The following BMS1 variants were observed in gnomAD, a reference collection of about 807,000 sequenced individuals.
BMS1 encodes the protein BMS1 ribosome biogenesis factor.
BMS1 carries 53 observed loss-of-function variants against 138.7 expected under a neutral mutation model. That is an observed-to-expected ratio of 0.38 (90% CI 0.31 to 0.48). BMS1 has a LOEUF of 0.48. BMS1 is among the 20% of genes least tolerant of loss of function. The pLI is 0.97. For missense variants in BMS1, 1,360 were observed against 1,565.5 expected (o/e 0.87, Z 2.22); for synonymous variants, 504 against 539.9 (o/e 0.93, Z 0.92).
chr10:42,830,120 G>A, intron 21 of BMS1, 141 bp from the exon 22 acceptor site: 2 of 909,614 alleles, frequency 2.2e-6, no homozygotes, highest in South Asian at 3.3e-5. Context: ...AGATGATTGA[G>A]TCCTGATTTC....
At position 42,820,363 on chromosome 10, in the gene BMS1, C is replaced by A. The variant is rs371483133; in HGVS notation, c.2708C>A (p.Pro903His). ...VPCEFVQNFD[P>H]HYPIILGGLG... ...TGTGAATTTGTGCAGAACTTTGACC[C>A]CCATTACCCCATTATCCTGGGTGGC... is the stretch of plus-strand genomic sequence containing the variant. The change falls in exon 16 of 23, where the codon CCC (proline) becomes CAC (histidine). Residue 903 changes from proline (P) to histidine (H), a missense_variant. This residue lies in a region of BMS1 where 425 missense variants were observed against 568.3 expected (regional missense o/e 0.75). Transcript: ENST00000374518. The A allele has an allele frequency of 6.2e-7, 1 of 1,613,610 alleles. No homozygotes were observed. The highest frequency in any genetic ancestry group is 8.5e-7 in the Non-Finnish European group (1 of 1,179,830).
chr10:42,804,387 A>G (rs1195201716), intron 13 of BMS1, among the ~76,000 whole-genome samples: 1 of 152,148 alleles, frequency 6.6e-6, no homozygotes, highest in Non-Finnish European at 1.5e-5. Context: ...TTCACTCTAC[A>G]TCTTTCCCAG....
Position 42,797,063 on chromosome 10 carries a change from T to C in BMS1, c.1819T>C (p.Ser607Pro), listed in dbSNP as rs562660981. 1.1e-5 allele frequency: 18 copies of C among 1,614,090 alleles called. No homozygotes were observed. The South Asian group carries it at 2.0e-4, about 18-fold the overall frequency. ...SSSLSAEEED[S>P]ENEEAIRKKL... is the part of the protein sequence containing the mutation. ...CTCACTCAGTGCAGAGGAAGAAGACTCAGAAAATGAAGAGGCTATTAGAAA... is the reference window on the plus strand; with the variant it reads ...CTCACTCAGTGCAGAGGAAGAAGACCCAGAAAATGAAGAGGCTATTAGAAA... The change falls in exon 10 of 23, where the codon TCA (serine) becomes CCA (proline). Residue 607 changes from serine (S) to proline (P), a missense_variant. Physicochemically the swap from Ser to Pro is moderately conservative, Grantham distance 74. Transcript: ENST00000374518.
chr10:42,821,859 C>T (rs1215373237), intron 18 of BMS1, among the ~76,000 whole-genome samples: 1 of 152,132 alleles, frequency 6.6e-6, no homozygotes, highest in South Asian at 2.1e-4. Context: ...GGCCTCAAGT[C>T]ACCCTTGTTA....
At chr10:42,824,545 AAAT>A (rs1159115624) in intron 21 of BMS1, among the ~76,000 whole-genome samples, 1 of 152,122 alleles carries the variant, frequency 6.6e-6, no homozygotes, top group East Asian at 1.9e-4. Context: ...GATATCCAAA[AAAT>A]TATTGCTAAG....
In BMS1 at chr10:42,832,128, A is replaced by G. The variant is rs982074689; in HGVS notation, c.*1032A>G. On this transcript the variant is annotated 3_prime_UTR_variant, in exon 23 of 23. Transcript: ENST00000374518. ...CTCCTCCATGTATGCATGGGTGTGT[A>G]GAAATATGGAACGCAGCTGGGCACA... The G allele has an allele frequency of 3.9e-5, 6 of 152,196 alleles. No homozygotes were observed. The highest frequency in any genetic ancestry group is 5.9e-5 in the Non-Finnish European group (4 of 68,036). 9.4% of individuals were successfully genotyped at this position (152,196 alleles called of 1,614,324 possible). A position where few individuals can be genotyped will look rare whatever the true frequency, so the allele number is the denominator to read the frequency against.
chr10:42,829,838 CA>C (rs71014301), intron 21 of BMS1, among the ~76,000 whole-genome samples: 61,343 of 151,686 alleles, frequency 0.4, 13,683 homozygotes, highest in East Asian at 0.63. Flanking sequence ...CAAAACAAAA[CA>C]AAAAAAACAT....
At chr10:42,786,204 C>T (rs934652671) in intron 3 of BMS1, among the ~76,000 whole-genome samples, 2 of 152,218 alleles carry the variant, frequency 1.3e-5, no homozygotes, top group African/African-American at 4.8e-5. Context: ...GTGCCAGGTG[C>T]ATATGCTTGC....
In BMS1 at chr10:42,829,487, CTT is replaced by C. The variant is rs1455728967; in HGVS notation, c.3457-772_3457-771del. 9.2e-5 allele frequency among the ~76,000 whole-genome samples: 14 copies of C among 152,266 alleles called. 1 individual carries two copies. In the East Asian group the frequency reaches 2.3e-3, roughly 25 times the overall value. On this transcript the variant is annotated intron_variant, in intron 21 of 22. Coordinates refer to ENST00000374518, the MANE Select transcript of BMS1 (RefSeq NM_014753.4). ...TTAATTAGAATCAGGAATCAGGACT[CTT>C]TGGCTGCTGATTGAAGGAAGAACTG...
chr10:42,793,030 G>A lies in BMS1; in HGVS notation c.975G>A (p.Lys325=). The change falls in exon 8 of 23, where the codon AAG becomes AAA. Residue 325 remains lysine, a synonymous_variant. Coordinates refer to ENST00000374518, the MANE Select transcript of BMS1 (RefSeq NM_014753.4). ...GCGCTCTTCCTGAACAACAAAAGAA[G>A]CGCTGTTTAAATGAGAAGGAGAAGC... The part of the protein sequence containing the change: ...DPCALPEQQK[K]RCLNEKEKLV... 6.2e-7 allele frequency: 1 copy of A among 1,614,110 alleles called. No individual in the cohort carries two copies.
Position 42,802,331 on chromosome 10 carries a change from G to T in BMS1, c.2329+113G>T, listed in dbSNP as rs1319496074. ...AATAGTCACTTGTCAAATGCTTTGG[G>T]AATTCAGACAGGAGTAATGAACCAG... On this transcript the variant is annotated intron_variant, in intron 13 of 22. Coordinates refer to ENST00000374518, the MANE Select transcript of BMS1 (RefSeq NM_014753.4). 16 of 880,052 alleles carry T rather than the reference G, an allele frequency of 1.8e-5. No homozygotes were observed. The East Asian group carries it at 4.1e-4, about 22-fold the overall frequency. 54.5% of individuals were successfully genotyped at this position (880,052 alleles called of 1,614,324 possible). A position where few individuals can be genotyped will look rare whatever the true frequency, so the allele number is the denominator to read the frequency against.
In BMS1 at chr10:42,830,395, C is replaced by A. The variant is rs377058786; in HGVS notation, c.3591C>A (p.Ala1197=). 2 of 1,610,932 alleles carry A rather than the reference C, an allele frequency of 1.2e-6. No homozygotes were observed. Among genetic ancestry groups the A allele is most frequent in the South Asian group, 2.2e-5 (2 of 90,334 alleles). The change falls in exon 22 of 23, where the codon GCC becomes GCA. Residue 1197 remains alanine (A), a synonymous_variant. Coordinates refer to ENST00000374518, the MANE Select transcript of BMS1 (RefSeq NM_014753.4). ...GKVPKDRRRP[A]VIREPHERKI... The stretch of plus-strand genomic sequence containing the variant: ...TGCCAAAGGACAGGCGGAGACCGGC[C>A]GTCATACGCGAGCCTCATGAAAGAA...
chr10:42,813,597 T>A (rs1320451303), intron 13 of BMS1, among the ~76,000 whole-genome samples: 1 of 152,210 alleles, frequency 6.6e-6, no homozygotes. Flanking sequence ...AGTTGTCAAG[T>A]GTGATTTTAA....
chr10:42,806,758 A>T (rs1020240547), intron 13 of BMS1, among the ~76,000 whole-genome samples: 2 of 151,866 alleles, frequency 1.3e-5, no homozygotes, highest in Non-Finnish European at 2.9e-5. Context: ...AAAAAAAAAA[A>T]ATCACCTTTT....
chr10:42,793,093 G>T lies in BMS1; in HGVS notation c.1038G>T (p.Leu346=). 1.9e-6 allele frequency: 3 copies of T among 1,613,900 alleles called. No homozygotes were observed. Among genetic ancestry groups the T allele is most frequent in the Non-Finnish European group, 2.5e-6 (3 of 1,179,898 alleles). ...YAPLSGVGGV[L]YDKDAVYVDL... ...CTCTTTCTGGAGTTGGGGGTGTGCT[G>T]TATGACAAAGACGCTGTCTATGTTG... Residue 346 remains leucine (L), a synonymous_variant, in exon 8 of 23, where the codon CTG becomes CTT. Transcript: ENST00000374518.
intron 21 of BMS1, among the ~76,000 whole-genome samples, chr10:42,827,427 A>C (rs142198648): frequency 3.9e-5 from 6 of 152,314 alleles, no homozygotes; most frequent in Non-Finnish European, 7.4e-5. Flanking sequence ...GATATAGAGC[A>C]ACAAAGCCTG....
In BMS1 at chr10:42,787,101, T is replaced by C. The variant is rs1019595836; in HGVS notation, c.368-67T>C. 2.1e-5 allele frequency: 17 copies of C among 815,866 alleles called. No individual in the cohort carries two copies. In the African/African-American group the frequency reaches 2.5e-4, roughly 12 times the overall value. 50.5% of individuals were successfully genotyped at this position (815,866 alleles called of 1,614,324 possible). Reference sequence around the variant, plus strand: ...CTGGATGCAGTTAAAAAATGAAAATTAAGAGTTGATGGTTAGAGTTTTTTC... The same window carrying C: ...CTGGATGCAGTTAAAAAATGAAAATCAAGAGTTGATGGTTAGAGTTTTTTC... On this transcript the variant is annotated intron_variant, in intron 3 of 22. Transcript: ENST00000374518.
At chr10:42,782,954 G>A (rs1841200823) in intron 1 of BMS1, 124 bp downstream of exon 1, 1 of 152,644 alleles carries the variant, frequency 6.6e-6, no homozygotes, top group East Asian at 1.9e-4. Flanking sequence ...TGCTCCCGAG[G>A]AGCGGCATAT....
intron 13 of BMS1, among the ~76,000 whole-genome samples, chr10:42,814,365 CACTTTT>C (rs1260025180): frequency 6.6e-6 from 1 of 152,138 alleles, no homozygotes; most frequent in Non-Finnish European, 1.5e-5. Context: ...CTGTCGTCTC[CACTTTT>C]ACTCAATAGA....
Sources: allele counts gnomAD v4.1 joint callset (sites outside exome capture counted in the v4.1 genomes callset), GRCh38; gene constraint gnomAD v4.1.1; regional missense constraint gnomAD v4.1.1; transcripts MANE v1.5; gene names NCBI Gene and HGNC (gene_info 2026-07-23, HGNC 2026-07-21).